OIP5: variants seen among roughly 807,000 people sequenced by gnomAD.
The protein encoded by OIP5 is protein Mis18-beta.
In OIP5, 24 loss-of-function variants were observed where a neutral mutation model predicts 20.3. The ratio of observed to expected loss-of-function variants is 1.18; its 90% CI spans 0.86 to 1.66. OIP5 has a LOEUF of 1.66. Among genes scored for constraint, OIP5 ranks in the 40% most tolerant of loss-of-function variants. The pLI is 0.00. For missense variants in OIP5, 339 were observed against 289.5 expected (o/e 1.17, Z -1.24); for synonymous variants, 143 against 121.3 (o/e 1.18, Z -1.17).
intron 2 of OIP5, among the ~76,000 whole-genome samples, chr15:41,327,428 C>T (rs1375373926): frequency 6.6e-6 from 1 of 151,906 alleles, no homozygotes; most frequent in Non-Finnish European, 1.5e-5. Flanking sequence ...CCTCCCGCCT[C>T]GGCCTCCCAA....
intron 2 of OIP5, among the ~76,000 whole-genome samples, chr15:41,331,440 C>T (rs543903951): frequency 6.6e-6 from 1 of 152,142 alleles, no homozygotes; most frequent in African/African-American, 2.4e-5. Context: ...AAAAATTAGC[C>T]GGGAGTGGTG....
intron 3 of OIP5, among the ~76,000 whole-genome samples, chr15:41,318,872 T>A (rs2047804563): frequency 6.6e-6 from 1 of 151,548 alleles, no homozygotes; most frequent in African/African-American, 2.4e-5. Context: ...TTTTTTAAAA[T>A]TTTGTATAAA....
At chr15:41,317,885 G>A (rs2047797704) in intron 3 of OIP5, among the ~76,000 whole-genome samples, 1 of 152,022 alleles carries the variant, frequency 6.6e-6, no homozygotes, top group Non-Finnish European at 1.5e-5. Flanking sequence ...TTGCTATGTT[G>A]CCTAGGCTGG....
At chr15:41,316,164 G>A (rs138526340) in intron 3 of OIP5, among the ~76,000 whole-genome samples, 6 of 152,134 alleles carry the variant, frequency 3.9e-5, no homozygotes, top group Admixed American at 3.3e-4. Context: ...TAAAAATTGA[G>A]GCTGGGCATG....
intron 2 of OIP5, among the ~76,000 whole-genome samples, chr15:41,325,310 G>T (rs2047854608): frequency 6.6e-6 from 1 of 152,080 alleles, no homozygotes; most frequent in Non-Finnish European, 1.5e-5. Context: ...GGAGGCTGAG[G>T]CAGGAGAATG....
chr15:41,324,549 G>C (rs989060908), intron 2 of OIP5, among the ~76,000 whole-genome samples: 7 of 152,102 alleles, frequency 4.6e-5, no homozygotes, highest in Admixed American at 4.6e-4. Flanking sequence ...GAGTGCAATG[G>C]TGTGTTCTTG....
chr15:41,310,502 C>T (rs575501636), intron 4 of OIP5, among the ~76,000 whole-genome samples: 7 of 152,106 alleles, frequency 4.6e-5, no homozygotes, highest in South Asian at 4.2e-4. Flanking sequence ...CGGTGGCGGG[C>T]GCCTGTAGTC....
intron 4 of OIP5, among the ~76,000 whole-genome samples, chr15:41,312,520 C>T (rs1255963916): frequency 6.6e-6 from 1 of 151,908 alleles, no homozygotes; most frequent in African/African-American, 2.4e-5. Flanking sequence ...AGTGCAGTGG[C>T]GCAGTCTCGG....
At chr15:41,319,239 C>CTT (rs567039095) in intron 3 of OIP5, among the ~76,000 whole-genome samples, 3 of 142,070 alleles carry the variant, frequency 2.1e-5, no homozygotes, top group African/African-American at 5.1e-5. Flanking sequence ...TGCCCAGCTA[C>CTT]TTTTTTTTTT....
At chr15:41,312,529 G>A (rs1371694147) in intron 4 of OIP5, among the ~76,000 whole-genome samples, 3 of 150,252 alleles carry the variant, frequency 2.0e-5, no homozygotes, top group African/African-American at 4.9e-5. Flanking sequence ...GCGCAGTCTC[G>A]GCTCACTGCA....
intron 3 of OIP5, 62 bp downstream of exon 3, chr15:41,319,596 G>A: frequency 6.6e-7 from 1 of 1,519,624 alleles, no homozygotes; most frequent in East Asian, 2.4e-5. Context: ...TTATTTGATG[G>A]ACTTTGTCTC....
intron 3 of OIP5, among the ~76,000 whole-genome samples, chr15:41,318,353 G>A (rs1595500374): frequency 6.6e-6 from 1 of 152,178 alleles, no homozygotes. Flanking sequence ...ATGGAGATGG[G>A]GTTCCACCAT....
At chr15:41,317,123 A>G (rs1220703071) in intron 3 of OIP5, among the ~76,000 whole-genome samples, 1 of 152,166 alleles carries the variant, frequency 6.6e-6, no homozygotes, top group Non-Finnish European at 1.5e-5. Context: ...GATAACCAGT[A>G]GGGTAGTTTT....
intron 2 of OIP5, 127 bp downstream of exon 2, chr15:41,331,788 A>C: frequency 1.3e-6 from 1 of 771,122 alleles, no homozygotes; most frequent in South Asian, 1.5e-5. Flanking sequence ...TAATACATCA[A>C]GTTCATATAA....
intron 3 of OIP5, among the ~76,000 whole-genome samples, chr15:41,317,632 G>A (rs1459289771): frequency 1.3e-5 from 2 of 151,736 alleles, no homozygotes; most frequent in Admixed American, 6.6e-5. Context: ...TGCCCACCTC[G>A]GCCTCCCAAA....
At chr15:41,323,026 T>G (rs149044661) in intron 2 of OIP5, among the ~76,000 whole-genome samples, 21 of 152,230 alleles carry the variant, frequency 1.4e-4, no homozygotes, top group Non-Finnish European at 2.8e-4. Flanking sequence ...TTGAGTTTAT[T>G]GGTAAATGAA....
intron 2 of OIP5, among the ~76,000 whole-genome samples, chr15:41,321,284 C>G: frequency 6.7e-6 from 1 of 148,554 alleles, no homozygotes; most frequent in Non-Finnish European, 1.5e-5. Context: ...CCAGCCGTCC[C>G]GTCCTGGAGG....
intron 2 of OIP5, among the ~76,000 whole-genome samples, chr15:41,325,026 G>A (rs78070204): frequency 0.039 from 5,972 of 152,174 alleles, 237 homozygotes; most frequent in African/African-American, 0.1. Flanking sequence ...CAATGGGTGC[G>A]GTTTGTGGCA....
At chr15:41,330,024 A>G (rs906153704) in intron 2 of OIP5, among the ~76,000 whole-genome samples, 1 of 152,054 alleles carries the variant, frequency 6.6e-6, no homozygotes, top group Non-Finnish European at 1.5e-5. Context: ...ATAAAATAAA[A>G]ACAGGTGAAA....
Sources: gnomAD v4.1 joint callset for allele counts (sites outside exome capture counted in the v4.1 genomes callset) on GRCh38, gnomAD v4.1.1 for gene constraint, MANE v1.5 for transcripts, NCBI Gene and HGNC (gene_info 2026-07-23, HGNC 2026-07-21) for gene names.